The following FRMPD4 variants were observed in gnomAD, a reference collection of about 807,000 sequenced individuals.
FRMPD4 encodes the protein FERM and PDZ domain containing 4.
In FRMPD4, 22 loss-of-function variants were observed where a neutral mutation model predicts 94.1. That is an observed-to-expected ratio of 0.23 (90% CI 0.17 to 0.33). The LOEUF (loss-of-function observed/expected upper bound fraction) is 0.33. Ranked by LOEUF, FRMPD4 falls within the 10% of genes least tolerant of loss-of-function variation. The pLI is 1.00. For synonymous variants in FRMPD4, 631 were observed against 548.6 expected (o/e 1.15, Z -2.10); for missense variants, 1,111 against 1,339.9 (o/e 0.83, Z 2.67).
At chrX:12,553,458 A>G (rs1348603760) in intron 2 of FRMPD4, among the ~76,000 whole-genome samples, 129 of 60,995 alleles carry the variant, frequency 2.1e-3, no homozygotes, top group Middle Eastern at 8.0e-3. Flanking sequence ...ATATATATAT[A>G]TATATATATC....
intron 1 of FRMPD4, among the ~76,000 whole-genome samples, chrX:12,281,314 G>A (rs2054521352): frequency 9.0e-6 from 1 of 110,962 alleles, no homozygotes; most frequent in Non-Finnish European, 1.9e-5. Flanking sequence ...ATCACCATAA[G>A]TTATATTTTT....
chrX:12,314,267 G>T (rs2055079478), intron 1 of FRMPD4, among the ~76,000 whole-genome samples: 1 of 112,397 alleles, frequency 8.9e-6, no homozygotes, highest in Non-Finnish European at 1.9e-5. Context: ...GGTAATAAGG[G>T]CAGTGATATA....
chrX:12,152,513 A>C (rs1457522947), intron 1 of FRMPD4, among the ~76,000 whole-genome samples: 1 of 111,610 alleles, frequency 9.0e-6, no homozygotes, highest in Non-Finnish European at 1.9e-5. Context: ...GACAACAGAA[A>C]GAAGTTTGGG....
At chrX:11,930,477 CTG>C (rs1801699748) in intron 3 of FRMPD4, among the ~76,000 whole-genome samples, 1 of 70,855 alleles carries the variant, frequency 1.4e-5, no homozygotes, top group African/African-American at 4.2e-5. Context: ...CATGTGAAGA[CTG>C]TAGAGATGCA....
chrX:12,538,070 C>T (rs1460865525), intron 2 of FRMPD4, among the ~76,000 whole-genome samples: 58 of 111,490 alleles, frequency 5.2e-4, no homozygotes, highest in African/African-American at 1.8e-3. Flanking sequence ...AGGGAATTCC[C>T]TTTCCTAGCC....
At chrX:12,039,967 CAAA>C (rs367795862) in intron 3 of FRMPD4, among the ~76,000 whole-genome samples, 4 of 32,006 alleles carry the variant, frequency 1.2e-4, no homozygotes, top group Admixed American at 3.3e-4. Context: ...AAAACTTTGT[CAAA>C]AAAAAAAAAA....
At chrX:12,114,078 A>G (rs982634823) in intron 3 of FRMPD4, among the ~76,000 whole-genome samples, 10 of 111,517 alleles carry the variant, frequency 9.0e-5, no homozygotes, top group Non-Finnish European at 1.3e-4. Context: ...TATGCTACCA[A>G]CTGGGAATTT....
intron 2 of FRMPD4, among the ~76,000 whole-genome samples, chrX:12,538,532 G>C (rs748286850): frequency 1.8e-5 from 2 of 111,832 alleles, no homozygotes; most frequent in East Asian, 5.6e-4. Flanking sequence ...GCCTCCTCAA[G>C]TGGGTCCCTG....
chrX:12,264,061 G>A (rs895806885), intron 1 of FRMPD4, among the ~76,000 whole-genome samples: 2 of 111,270 alleles, frequency 1.8e-5, no homozygotes, highest in African/African-American at 6.5e-5. Flanking sequence ...TTTTGGGGGG[G>A]ACACATTCAA....
At chrX:12,021,453 G>C (rs191593781) in intron 3 of FRMPD4, among the ~76,000 whole-genome samples, 1 of 111,089 alleles carries the variant, frequency 9.0e-6, no homozygotes, top group Admixed American at 9.6e-5. Flanking sequence ...TATTCATTTG[G>C]GGCTTAAATA....
At chrX:12,639,532 A>G (rs1213318073) in intron 4 of FRMPD4, among the ~76,000 whole-genome samples, 1 of 112,297 alleles carries the variant, frequency 8.9e-6, no homozygotes, top group Non-Finnish European at 1.9e-5. Flanking sequence ...TTTACGATAC[A>G]TATGTAATTT....
At chrX:12,265,929 C>G (rs1347253365) in intron 1 of FRMPD4, among the ~76,000 whole-genome samples, 3 of 107,068 alleles carry the variant, frequency 2.8e-5, no homozygotes, top group Non-Finnish European at 5.8e-5. Context: ...GAGATCGAGA[C>G]CATCCTGGCT....
intron 3 of FRMPD4, among the ~76,000 whole-genome samples, chrX:11,878,236 A>G (rs2053795872): frequency 8.9e-6 from 1 of 112,356 alleles, no homozygotes; most frequent in Non-Finnish European, 1.9e-5. Context: ...AGGCATGAAT[A>G]TCCTGTAAAA....
chrX:11,908,060 G>A (rs2053977305), intron 3 of FRMPD4, among the ~76,000 whole-genome samples: 1 of 109,901 alleles, frequency 9.1e-6, no homozygotes, highest in South Asian at 3.9e-4. Flanking sequence ...GCTTCCTGTG[G>A]GTCACCCTTT....
In FRMPD4 at chrX:12,059,528, C is replaced by T. The variant is rs12843455; in HGVS notation, c.95+181510C>T. Reference sequence around the variant, plus strand: ...GTAGGTTTGTTAACTGGTTATATTGCGTGATGATGAGGTTTGGGGTACGAA... The same window carrying T: ...GTAGGTTTGTTAACTGGTTATATTGTGTGATGATGAGGTTTGGGGTACGAA... On this transcript the variant is annotated intron_variant, in intron 3 of 18. Coordinates refer to the FRMPD4 transcript ENST00000640291. Among the ~76,000 whole-genome samples the T allele has an allele frequency of 8.4e-3, 919 of 109,961 alleles. 6 individuals are homozygous for T. The highest frequency in any genetic ancestry group is 0.029 in the African/African-American group (886 of 30,215).
chrX:12,417,886 C>T (rs6640982), intron 1 of FRMPD4, among the ~76,000 whole-genome samples: 40,268 of 102,671 alleles, frequency 0.39, 6,562 homozygotes, highest in East Asian at 0.65. Context: ...CCCAGCTACT[C>T]AGGAGGCTGA....
At position 12,526,452 on chromosome X, in the gene FRMPD4, CT is replaced by C. The variant is rs762423108; in HGVS notation, c.158+27658del. ...TTGCCCCTCTGGTCACAAAGAGCCC[CT>C]TGGGGCAAATCGCGTTGTTAGCAGT... On this transcript the variant is annotated intron_variant, in intron 2 of 16. Transcript: ENST00000675598. Among the ~76,000 whole-genome samples the C allele has an allele frequency of 2.0e-4, 22 of 112,749 alleles. No individual in the cohort carries two copies. The East Asian group carries it at 5.6e-3, about 28-fold the overall frequency.
At chrX:12,048,581 T>C (rs2054799068) in intron 3 of FRMPD4, among the ~76,000 whole-genome samples, 1 of 111,752 alleles carries the variant, frequency 8.9e-6, no homozygotes, top group Admixed American at 9.6e-5. Context: ...ACCAGAAAGG[T>C]GTTTCCAAGT....
chrX:12,125,261 C>T (rs1289965656), intron 3 of FRMPD4, among the ~76,000 whole-genome samples: 1 of 111,981 alleles, frequency 8.9e-6, no homozygotes, highest in African/African-American at 3.2e-5. Flanking sequence ...GGAATAGTCT[C>T]CTGGAACCTG....
Sources: gnomAD v4.1 joint callset for allele counts (sites outside exome capture counted in the v4.1 genomes callset) on GRCh38, gnomAD v4.1.1 for gene constraint, MANE v1.5 for transcripts, NCBI Gene and HGNC (gene_info 2026-07-23, HGNC 2026-07-21) for gene names.